Variants in TRIT1 observed in about 807,000 individuals in gnomAD.
The protein encoded by TRIT1 is tRNA isopentenyltransferase 1.
TRIT1 carries 43 observed loss-of-function variants against 51.2 expected under a neutral mutation model. The observed-to-expected ratio is 0.84, with a 90% confidence interval of 0.66 to 1.08. TRIT1 has a LOEUF of 1.08. Among genes scored for constraint, TRIT1 ranks in the 50% least tolerant of loss-of-function variants. The pLI, the probability that TRIT1 is intolerant of heterozygous loss-of-function variation, is 0.00. For synonymous variants in TRIT1, 184 were observed against 203.9 expected, an observed-to-expected ratio of 0.90 and a Z score of 0.83; for missense variants, 528 against 578.4, an observed-to-expected ratio of 0.91 and a Z score of 0.89.
chr1:39,839,070 T>C lies in TRIT1; in HGVS notation c.*2674A>G, dbSNP rs1465587649. 2.0e-5 allele frequency among the ~76,000 whole-genome samples: 3 copies of C among 152,210 alleles called. No homozygotes were observed. The highest frequency in any genetic ancestry group is 7.2e-5 in the African/African-American group (3 of 41,454). The stretch of plus-strand genomic sequence containing the variant: ...ACTGTGAGAAGTATCTAAAGCCTAA[T>C]CAAGATTTTTACTGACAGAAGCAGA... On this transcript the variant is annotated 3_prime_UTR_variant, in exon 11 of 11. Transcript: ENST00000316891.
At chr1:39,849,072 A>G (rs1642408144) in intron 5 of TRIT1, among the ~76,000 whole-genome samples, 2 of 152,146 alleles carry the variant, frequency 1.3e-5, no homozygotes, top group South Asian at 4.1e-4. Flanking sequence ...ATGTTCTTCT[A>G]CATCTCTATC....
chr1:39,863,259 G>C (rs888572525), intron 1 of TRIT1, among the ~76,000 whole-genome samples: 1 of 152,202 alleles, frequency 6.6e-6, no homozygotes, highest in African/African-American at 2.4e-5. Flanking sequence ...GAGACCAGGA[G>C]TTCAAGACCA....
At chr1:39,853,929 C>T in intron 3 of TRIT1, 41 bp downstream of exon 3, 1 of 1,367,588 alleles carries the variant, frequency 7.3e-7, no homozygotes, top group South Asian at 1.2e-5. Context: ...CAAGAAAGAG[C>T]AATCCATTTC....
chr1:39,871,792 T>C (rs902920364), intron 1 of TRIT1, among the ~76,000 whole-genome samples: 7 of 152,162 alleles, frequency 4.6e-5, no homozygotes, highest in South Asian at 4.1e-4. Context: ...TTTAGGGTGA[T>C]AGAACTGTTC....
In TRIT1 at chr1:39,869,436, G is replaced by A. The variant is rs186480047; in HGVS notation, c.175-12019C>T. Among the ~76,000 whole-genome samples, 529 of 152,330 alleles carry A rather than the reference G, an allele frequency of 3.5e-3. 1 individual carries two copies. The highest frequency in any genetic ancestry group is 0.012 in the African/African-American group (484 of 41,570). ...GTTGCACAGGCTGGAGTGCAGTGTT[G>A]TGATCTTGGCTCGCTACAACCTCCA... On this transcript the variant is annotated intron_variant, in intron 1 of 10. Coordinates refer to ENST00000316891, the MANE Select transcript of TRIT1 (RefSeq NM_017646.6).
intron 1 of TRIT1, among the ~76,000 whole-genome samples, chr1:39,882,710 C>T (rs192248392): frequency 1.7e-4 from 26 of 152,352 alleles, no homozygotes; most frequent in Middle Eastern, 3.4e-3. Flanking sequence ...ATTTATTAAG[C>T]ACTATAACCT....
rs1271164497 is a variant in TRIT1 at position 39,838,386 on chromosome 1, G to A, written c.*3358C>T. The stretch of plus-strand genomic sequence containing the variant: ...CAATTGATTCAACAAATATTTGACT[G>A]TGTCTAGGTGCTAGGGATATTGACA... On this transcript the variant is annotated 3_prime_UTR_variant, in exon 11 of 11. Transcript: ENST00000316891. 6.6e-6 allele frequency among the ~76,000 whole-genome samples: 1 copy of A among 152,214 alleles called. No individual in the cohort carries two copies. The highest frequency in any genetic ancestry group is 2.4e-5 in the African/African-American group (1 of 41,454).
At chr1:39,855,972 G>C (rs1169033497) in intron 2 of TRIT1, among the ~76,000 whole-genome samples, 1 of 151,668 alleles carries the variant, frequency 6.6e-6, no homozygotes, top group Non-Finnish European at 1.5e-5. Flanking sequence ...GAGCCCAGGG[G>C]TTCAAGACCA....
rs890080425 is a variant in TRIT1 at position 39,862,857 on chromosome 1, C to A, written c.175-5440G>T. The A allele has an allele frequency of 4.1e-6, 4 of 985,272 alleles. No individual in the cohort carries two copies. The African/African-American group carries it at 7.0e-5, about 17-fold the overall frequency. The allele number at this position is 985,272 out of a possible 1,614,324, so 61.0% of individuals were successfully genotyped here. On this transcript the variant is annotated intron_variant, in intron 1 of 10. Coordinates refer to ENST00000316891, the MANE Select transcript of TRIT1 (RefSeq NM_017646.6). ...CAATCAGCCTGAATGCTGGGAAGAG[C>A]CAAAAGGATCTGTGTTATCTTTCAA...
At chr1:39,870,051 C>A (rs1472482199) in intron 1 of TRIT1, among the ~76,000 whole-genome samples, 1 of 152,104 alleles carries the variant, frequency 6.6e-6, no homozygotes, top group African/African-American at 2.4e-5. Context: ...ATGACGATGG[C>A]GGTTTTGTCA....
At chr1:39,872,068 ATTTTTTTT>A (rs59839907) in intron 1 of TRIT1, among the ~76,000 whole-genome samples, 43 of 114,194 alleles carry the variant, frequency 3.8e-4, no homozygotes, top group Non-Finnish European at 3.8e-4. Flanking sequence ...GGCCTGACTA[ATTTTTTTT>A]TTTTTTTTTT....
At position 39,857,312 on chromosome 1, in the gene TRIT1, T is replaced by C; in HGVS notation, c.280A>G (p.Thr94Ala). 6.2e-7 allele frequency: 1 copy of C among 1,613,642 alleles called. No homozygotes were observed. Among genetic ancestry groups the C allele is most frequent in the Non-Finnish European group, 8.5e-7 (1 of 1,179,798 alleles). ...GCTCTATTTCTGAAGTCCACCACTG[T>C]GTAATTGGTCACAAGAGGATCCACA... The part of the protein sequence containing the change: ...SFVDPLVTNY[T>A]VVDFRNRATA... Residue 94 changes from threonine to alanine, a missense_variant, in exon 2 of 11, where the codon ACA becomes GCA. This residue lies in a region of TRIT1 where 468 missense variants were observed against 522.6 expected (regional missense o/e 0.90). Coordinates refer to ENST00000316891, the MANE Select transcript of TRIT1 (RefSeq NM_017646.6).
At chr1:39,851,588 C>A (rs570440160) in intron 4 of TRIT1, among the ~76,000 whole-genome samples, 41 of 152,074 alleles carry the variant, frequency 2.7e-4, no homozygotes, top group African/African-American at 9.9e-4. Flanking sequence ...GGTGAAAAAA[C>A]TTAGATATTA....
At chr1:39,874,450 C>T (rs2124677677) in intron 1 of TRIT1, among the ~76,000 whole-genome samples, 1 of 152,136 alleles carries the variant, frequency 6.6e-6, no homozygotes, top group East Asian at 1.9e-4. Context: ...TAAAGATATC[C>T]ATAACATAGT....
In TRIT1 at chr1:39,844,108, T is replaced by C; in HGVS notation, c.1227A>G (p.Glu409=). The stretch of plus-strand genomic sequence containing the variant: ...CCCCTCCCCATACTCTACCTGCCCA[T>C]TCGCGATCCCCAATGATGATTCGAT... ...LCDRIIIGDR[E]WAAHIKSKSH... Residue 409 remains glutamate (E), a synonymous_variant, in exon 10 of 11, where the codon GAA becomes GAG. Transcript: ENST00000316891. 6.2e-7 allele frequency: 1 copy of C among 1,613,386 alleles called. No individual in the cohort carries two copies. Among genetic ancestry groups the C allele is most frequent in the South Asian group, 1.1e-5 (1 of 91,066 alleles).
chr1:39,871,488 G>A (rs1217958789), intron 1 of TRIT1, among the ~76,000 whole-genome samples: 2 of 152,002 alleles, frequency 1.3e-5, no homozygotes, highest in East Asian at 1.9e-4. Context: ...GCTGAGGTAG[G>A]AGGATTGCTT....
chr1:39,877,163 G>A (rs908816086), intron 1 of TRIT1, among the ~76,000 whole-genome samples: 7 of 150,484 alleles, frequency 4.7e-5, no homozygotes, highest in African/African-American at 1.7e-4. Context: ...CAGTCTTTTG[G>A]TACAAACACT....
Position 39,841,737 on chromosome 1 carries a change from A to T in TRIT1, c.*7T>A. On this transcript the variant is annotated 3_prime_UTR_variant, in exon 11 of 11. Coordinates refer to ENST00000316891, the MANE Select transcript of TRIT1 (RefSeq NM_017646.6). ...ACCACCTTTCCAAAGGCCACTGGAC[A>T]TGTCTCTTAAACGCTGCATTTCAGC... 1.2e-6 allele frequency: 2 copies of T among 1,606,630 alleles called. No individual in the cohort carries two copies. The highest frequency in any genetic ancestry group is 1.7e-6 in the Non-Finnish European group (2 of 1,177,188).
chr1:39,866,104 GGA>G, intron 1 of TRIT1, among the ~76,000 whole-genome samples: 2 of 151,068 alleles, frequency 1.3e-5, no homozygotes, highest in African/African-American at 2.4e-5. Flanking sequence ...AAGGAAGGAA[GGA>G]AGGAAGGAAG....
Sources: allele counts gnomAD v4.1 joint callset (sites outside exome capture counted in the v4.1 genomes callset), GRCh38; gene constraint gnomAD v4.1.1; regional missense constraint gnomAD v4.1.1; transcripts MANE v1.5; gene names NCBI Gene and HGNC (gene_info 2026-07-23, HGNC 2026-07-21).